ERP44: variants seen among roughly 807,000 people sequenced by gnomAD.
ERP44 encodes endoplasmic reticulum protein 44.
A neutral mutation model predicts 53.4 loss-of-function variants in ERP44; 25 were observed. The observed-to-expected ratio is 0.47, with a 90% CI of 0.34 to 0.65. The LOEUF is 0.65. ERP44 is among the 30% of genes least tolerant of loss of function. The probability of loss-of-function intolerance (pLI) is 0.01; values close to 1 mark genes in which losing one functional copy is unlikely to be tolerated. For missense variants in ERP44, 338 were observed against 493.2 expected, an observed-to-expected ratio of 0.69 and a Z score of 2.98; for synonymous variants, 145 against 161.2, an observed-to-expected ratio of 0.90 and a Z score of 0.76.
chr9:100,080,856 T>C (rs1826414616), intron 1 of ERP44, among the ~76,000 whole-genome samples: 1 of 152,080 alleles, frequency 6.6e-6, no homozygotes, highest in Admixed American at 6.6e-5. Context: ...ATACAGCATC[T>C]TAATAAAGAT....
chr9:99,998,045 C>T (rs1830332466), intron 10 of ERP44, among the ~76,000 whole-genome samples: 1 of 152,218 alleles, frequency 6.6e-6, no homozygotes, highest in African/African-American at 2.4e-5. Context: ...CAATGGAAGT[C>T]ATTTTCTGTT....
chr9:100,047,801 T>C (rs1268702849), intron 4 of ERP44, among the ~76,000 whole-genome samples: 1 of 152,090 alleles, frequency 6.6e-6, no homozygotes, highest in South Asian at 2.1e-4. Context: ...AGGCAACCTA[T>C]AGAACAGGAG....
rs746775041 is a variant in ERP44 at position 100,060,214 on chromosome 9, A to G, written c.58-42T>C. The G allele has an allele frequency of 7.8e-6, 11 of 1,410,046 alleles. No individual in the cohort carries two copies. In the South Asian group the frequency reaches 1.5e-4, roughly 19 times the overall value. The allele number at this position is 1,410,046 out of a possible 1,614,324, so 87.3% of individuals were successfully genotyped here. On this transcript the variant is annotated intron_variant, in intron 1 of 11. Coordinates refer to ENST00000262455, the MANE Select transcript of ERP44 (RefSeq NM_015051.3). ...TGAGAAATTAATAAATGTGTCCACA[A>G]AAGACAAATACGTAAAAGCGAAGTC...
At chr9:100,087,945 C>T (rs927676441) in intron 1 of ERP44, among the ~76,000 whole-genome samples, 9 of 152,080 alleles carry the variant, frequency 5.9e-5, no homozygotes, top group Non-Finnish European at 1.2e-4. Context: ...AGTGTTATCA[C>T]TTTCGGGAAT....
chr9:100,067,888 G>A lies in ERP44; in HGVS notation c.58-7716C>T, dbSNP rs1264875975. Among the ~76,000 whole-genome samples, 113 of 146,404 alleles carry A rather than the reference G, an allele frequency of 7.7e-4. 1 individual carries two copies. Among genetic ancestry groups the A allele is most frequent in the African/African-American group, 2.7e-3 (105 of 39,090 alleles). ...AGCCCCTCCGCCCGGCAGCCGCCCC[G>A]CCTGAGAAGTGAGGAGCCCCTCCGC... is the stretch of plus-strand genomic sequence containing the variant. On this transcript the variant is annotated intron_variant, in intron 1 of 11. Transcript: ENST00000262455.
intron 1 of ERP44, among the ~76,000 whole-genome samples, chr9:100,095,660 T>C (rs1826619067): frequency 6.6e-6 from 1 of 152,144 alleles, no homozygotes; most frequent in Non-Finnish European, 1.5e-5. Context: ...TGACCTGGTA[T>C]TGGGCCCCGA....
intron 1 of ERP44, among the ~76,000 whole-genome samples, chr9:100,076,414 G>A (rs1478568232): frequency 1.3e-5 from 2 of 152,220 alleles, no homozygotes; most frequent in East Asian, 3.8e-4. Context: ...GCTGACAGAG[G>A]AAGAGAAGAC....
At chr9:99,983,841 AATT>A (rs1158092098) in intron 11 of ERP44, among the ~76,000 whole-genome samples, 1 of 152,238 alleles carries the variant, frequency 6.6e-6, no homozygotes, top group African/African-American at 2.4e-5. Flanking sequence ...AGCTGAAATT[AATT>A]ATATTACTAT....
intron 1 of ERP44, among the ~76,000 whole-genome samples, chr9:100,063,333 C>A (rs866880891): frequency 6.6e-6 from 1 of 152,058 alleles, no homozygotes; most frequent in African/African-American, 2.4e-5. Context: ...TCTCTGCTCC[C>A]TGTAGGGTGT....
In ERP44 at chr9:99,982,436, T is replaced by C; in HGVS notation, c.*176A>G. ...AGCAGGTTTTTTTTTTTTAAGAGGC[T>C]ACTATATTAAATGACAATGCATTTT... On this transcript the variant is annotated 3_prime_UTR_variant, in exon 12 of 12. Transcript: ENST00000262455. 3.4e-6 allele frequency: 1 copy of C among 296,736 alleles called. No homozygotes were observed. 18.4% of individuals were successfully genotyped at this position (296,736 alleles called of 1,614,324 possible).
intron 1 of ERP44, among the ~76,000 whole-genome samples, chr9:100,066,893 C>T (rs1051138357): frequency 4.6e-5 from 7 of 152,188 alleles, no homozygotes; most frequent in Non-Finnish European, 8.8e-5. Context: ...GCACATCTCA[C>T]ACTATTCACA....
At chr9:100,014,472 C>T (rs1016555450) in intron 8 of ERP44, among the ~76,000 whole-genome samples, 9 of 151,874 alleles carry the variant, frequency 5.9e-5, no homozygotes, top group African/African-American at 9.7e-5. Context: ...TTAGTAGAGA[C>T]GGGGGTTTCA....
At chr9:100,042,966 A>AG (rs1825922830) in intron 4 of ERP44, among the ~76,000 whole-genome samples, 1 of 152,056 alleles carries the variant, frequency 6.6e-6, no homozygotes, top group African/African-American at 2.4e-5. Context: ...AAGTAGTTTG[A>AG]AAGAATCAAT....
chr9:100,015,974 A>C (rs148426569), intron 8 of ERP44, among the ~76,000 whole-genome samples: 1 of 152,168 alleles, frequency 6.6e-6, no homozygotes, highest in Non-Finnish European at 1.5e-5. Context: ...CCGTGGACTG[A>C]TACAGGTCTG....
chr9:99,998,750 C>A, intron 10 of ERP44: 1 of 750,892 alleles, frequency 1.3e-6, no homozygotes, highest in Admixed American at 2.3e-5. Flanking sequence ...TTTCCTCTTC[C>A]CGCAAACGTT....
At chr9:100,023,031 C>A (rs1190112612) in intron 4 of ERP44, among the ~76,000 whole-genome samples, 1 of 152,132 alleles carries the variant, frequency 6.6e-6, no homozygotes, top group African/African-American at 2.4e-5. Context: ...ATGCTTTATT[C>A]ATCAAATCAC....
intron 10 of ERP44, among the ~76,000 whole-genome samples, chr9:100,002,164 C>T (rs1220554968): frequency 6.7e-6 from 1 of 149,824 alleles, no homozygotes; most frequent in Non-Finnish European, 1.5e-5. Flanking sequence ...ACTCTACCCT[C>T]CTCACATTTT....
intron 4 of ERP44, among the ~76,000 whole-genome samples, chr9:100,028,879 T>C (rs1003765246): frequency 6.6e-6 from 1 of 152,226 alleles, no homozygotes; most frequent in Non-Finnish European, 1.5e-5. Context: ...GACTCTAGTT[T>C]CAGAATAACT....
intron 10 of ERP44, among the ~76,000 whole-genome samples, chr9:99,990,415 A>G (rs562981425): frequency 5.3e-5 from 8 of 152,224 alleles, no homozygotes; most frequent in African/African-American, 7.2e-5. Context: ...AGCCAAACTA[A>G]GCTTCATAAG....
Sources: allele counts gnomAD v4.1 joint callset (sites outside exome capture counted in the v4.1 genomes callset), GRCh38; gene constraint gnomAD v4.1.1; transcripts MANE v1.5; gene names NCBI Gene and HGNC (gene_info 2026-07-23, HGNC 2026-07-21).